Variants in PRDM8 observed in about 807,000 individuals in gnomAD.
PRDM8 encodes the protein PR domain zinc finger protein 8.
PRDM8 carries 13 observed loss-of-function variants against 46.5 expected under a neutral mutation model. The ratio of observed to expected loss-of-function variants is 0.28; its 90% CI spans 0.18 to 0.44. PRDM8 has a LOEUF of 0.44. Among genes scored for constraint, PRDM8 ranks in the 20% least tolerant of loss-of-function variants. PRDM8 has a pLI of 1.00. For missense variants in PRDM8, 998 were observed against 955.0 expected, an observed-to-expected ratio of 1.04 and a Z score of -0.59; for synonymous variants, 473 against 438.4, an observed-to-expected ratio of 1.08 and a Z score of -0.98.
chr4:80,190,262 G>A (rs539937001), intron 1 of PRDM8: 1 of 152,358 alleles, frequency 6.6e-6, no homozygotes, highest in African/African-American at 2.4e-5. Flanking sequence ...GTCACCTAGC[G>A]GGAAGCAAGT....
Position 80,203,171 on chromosome 4 carries a change from C to G in PRDM8, c.1709C>G (p.Pro570Arg), listed in dbSNP as rs752311192. ...GSLPSGGGGL[P>R]KQSPFLYATA... Reference sequence around the variant, plus strand: ...CTGCCGAGCGGCGGCGGCGGCCTGCCTAAGCAGAGCCCCTTCCTGTACGCC... The same window carrying G: ...CTGCCGAGCGGCGGCGGCGGCCTGCGTAAGCAGAGCCCCTTCCTGTACGCC... Residue 570 changes from proline to arginine, a missense_variant, in exon 4 of 4, where the codon CCT becomes CGT. Coordinates refer to ENST00000415738, the MANE Select transcript of PRDM8 (RefSeq NM_001099403.2). The G allele has an allele frequency of 1.3e-6, 2 of 1,547,312 alleles. No homozygotes were observed. The highest frequency in any genetic ancestry group is 3.8e-5 in the Admixed American group (2 of 52,058).
chr4:80,191,161 T>C (rs935069319), intron 1 of PRDM8, among the ~76,000 whole-genome samples: 4 of 152,234 alleles, frequency 2.6e-5, no homozygotes, highest in Admixed American at 1.3e-4. Flanking sequence ...CCAAGTAAAA[T>C]GACAGTCCTA....
chr4:80,188,342 T>C (rs955573231), intron 1 of PRDM8, among the ~76,000 whole-genome samples: 2 of 152,212 alleles, frequency 1.3e-5, no homozygotes, highest in Non-Finnish European at 2.9e-5. Flanking sequence ...TTAAATATGA[T>C]GTTATTGATG....
rs764834887 is a variant in PRDM8 at position 80,203,169 on chromosome 4, G to A, written c.1707G>A (p.Leu569=). The change falls in exon 4 of 4, where the codon CTG becomes CTA. Residue 569 remains leucine (L), a synonymous_variant. Coordinates refer to ENST00000415738, the MANE Select transcript of PRDM8 (RefSeq NM_001099403.2). ...CCCTGCCGAGCGGCGGCGGCGGCCT[G>A]CCTAAGCAGAGCCCCTTCCTGTACG... is the stretch of plus-strand genomic sequence containing the variant. ...CGSLPSGGGG[L]PKQSPFLYAT... 1 of 1,546,938 alleles carries A rather than the reference G, an allele frequency of 6.5e-7. No homozygotes were observed. The highest frequency in any genetic ancestry group is 8.7e-7 in the Non-Finnish European group (1 of 1,151,718).
upstream of PRDM8, among the ~76,000 whole-genome samples, chr4:80,193,460 T>C (rs2109867992): frequency 6.6e-6 from 1 of 152,276 alleles, no homozygotes; most frequent in South Asian, 2.1e-4. Context: ...CCATGTATCT[T>C]TCTCTTGATA....
intron 1 of PRDM8, chr4:80,190,202 T>C (rs1334943217): frequency 3.3e-5 from 5 of 152,220 alleles, no homozygotes; most frequent in Non-Finnish European, 4.4e-5. Context: ...GGAAAGAGTG[T>C]TAGGTTCCCG....
At chr4:80,189,390 G>T (rs1355346743) in intron 1 of PRDM8, among the ~76,000 whole-genome samples, 2 of 151,800 alleles carry the variant, frequency 1.3e-5, no homozygotes, top group Non-Finnish European at 2.9e-5. Context: ...CAGGCCTTCC[G>T]CAGCAAACTG....
chr4:80,196,404 T>C, upstream of PRDM8: 1 of 985,536 alleles, frequency 1.0e-6, no homozygotes, highest in Non-Finnish European at 1.2e-6. Flanking sequence ...AGCGACGTGG[T>C]GTTGCAGCCC....
At chr4:80,194,130 G>A (rs1191848561), upstream of PRDM8, 2 of 775,742 alleles carry the variant, frequency 2.6e-6, no homozygotes, top group East Asian at 2.6e-4. Flanking sequence ...AAGCCACCTG[G>A]GGTGTCATTT....
upstream of PRDM8, among the ~76,000 whole-genome samples, chr4:80,196,791 C>G (rs921641644): frequency 1.3e-5 from 2 of 152,152 alleles, no homozygotes; most frequent in African/African-American, 2.4e-5. Flanking sequence ...TGCGCTCTTC[C>G]CACCAACCTC....
At chr4:80,197,281 A>G, upstream of PRDM8, 1 of 978,700 alleles carries the variant, frequency 1.0e-6, no homozygotes, top group Non-Finnish European at 1.2e-6. Context: ...CCCGAGCTTT[A>G]GGAGGAGGCG....
intron 2 of PRDM8, among the ~76,000 whole-genome samples, chr4:80,191,870 C>G (rs1421343642): frequency 6.6e-6 from 1 of 152,174 alleles, no homozygotes; most frequent in African/African-American, 2.4e-5. Flanking sequence ...GCAATATGAG[C>G]AAGGGAGCAG....
chr4:80,196,225 T>C (rs1737951202), upstream of PRDM8: 3 of 924,840 alleles, frequency 3.2e-6, no homozygotes, highest in South Asian at 1.5e-4. Context: ...TCCTCCACTT[T>C]AGCTAGCTAC....
intron 1 of PRDM8, among the ~76,000 whole-genome samples, chr4:80,188,631 C>T (rs1291457350): frequency 6.6e-6 from 1 of 152,228 alleles, no homozygotes; most frequent in Non-Finnish European, 1.5e-5. Flanking sequence ...TAACCACTGC[C>T]TCTTGGATCC....
chr4:80,186,618 C>A (rs376970896), intron 1 of PRDM8, among the ~76,000 whole-genome samples: 10 of 152,280 alleles, frequency 6.6e-5, no homozygotes, highest in African/African-American at 2.4e-4. Context: ...TGAAGGAGAG[C>A]ACTTTGCCAC....
At chr4:80,200,339 T>C (rs895226563) in intron 2 of PRDM8, 40 bp downstream of exon 2, 8 of 1,528,598 alleles carry the variant, frequency 5.2e-6, no homozygotes, top group Non-Finnish European at 7.2e-6. Flanking sequence ...ATGAGGGTAA[T>C]GTCCTGTTGG....
At position 80,201,295 on chromosome 4, in the gene PRDM8, C is replaced by G. The variant is rs745726236; in HGVS notation, c.225C>G (p.Asp75Glu). 1 of 1,614,176 alleles carries G rather than the reference C, an allele frequency of 6.2e-7. No individual in the cohort carries two copies. The highest frequency in any genetic ancestry group is 8.5e-7 in the Non-Finnish European group (1 of 1,179,992). The stretch of plus-strand genomic sequence containing the variant: ...TCATTTATTTCAAACCGCAGGTAGA[C>G]ACCTCAGCAGCAAATGGTTCCTCAG... ...KRTVPYIFRV[D>E]TSAANGSSEG... Residue 75 changes from aspartate (D) to glutamate (E), a missense_variant, in exon 3 of 4, where the codon GAC becomes GAG. By Grantham distance (45) the Asp-to-Glu change is conservative. Transcript: ENST00000415738.
Position 80,200,105 on chromosome 4 carries a change from G to A in PRDM8, c.25G>A (p.Gly9Ser), listed in dbSNP as rs1168718006. The change falls in exon 2 of 4, where the codon GGC (glycine) becomes AGC (serine). Residue 9 changes from glycine to serine, a missense_variant. Coordinates refer to ENST00000415738, the MANE Select transcript of PRDM8 (RefSeq NM_001099403.2). MEDTGIQRGIWDGDAKAVQ... is the reference protein window; with the variant it reads MEDTGIQRSIWDGDAKAVQ... ...GATGGAGGATACTGGCATCCAGCGA[G>A]GCATCTGGGATGGAGATGCCAAGGC... 3 of 1,613,916 alleles carry A rather than the reference G, an allele frequency of 1.9e-6. No individual in the cohort carries two copies. The highest frequency in any genetic ancestry group is 1.1e-5 in the South Asian group (1 of 91,074).
In PRDM8 at chr4:80,204,125, G is replaced by A. The variant is rs777913970; in HGVS notation, c.*593G>A. On this transcript the variant is annotated 3_prime_UTR_variant, in exon 4 of 4. Coordinates refer to ENST00000415738, the MANE Select transcript of PRDM8 (RefSeq NM_001099403.2). ...TTCCAGGGGGAAGTGCATGTATAAT[G>A]AAATGATAATGGACTTCAATGAAGA... The A allele has an allele frequency of 6.5e-6, 1 of 152,684 alleles. No individual in the cohort carries two copies. The highest frequency in any genetic ancestry group is 1.5e-5 in the Non-Finnish European group (1 of 68,086). The allele number at this position is 152,684 out of a possible 1,614,324, so 9.5% of individuals were successfully genotyped here. A position where few individuals can be genotyped will look rare whatever the true frequency, so the allele number is the denominator to read the frequency against.
Sources: allele counts gnomAD v4.1 joint callset (sites outside exome capture counted in the v4.1 genomes callset), GRCh38; gene constraint gnomAD v4.1.1; transcripts MANE v1.5; gene names NCBI Gene and HGNC (gene_info 2026-07-23, HGNC 2026-07-21).